ARHGEF9: variants seen among roughly 807,000 people sequenced by gnomAD.
The protein encoded by ARHGEF9 is Cdc42 guanine nucleotide exchange factor 9, also known as rho guanine nucleotide exchange factor 9.
ARHGEF9 carries 2 observed loss-of-function variants against 41.3 expected under a neutral mutation model. The observed-to-expected ratio is 0.05, with a 90% CI of 0.02 to 0.15. The LOEUF (loss-of-function observed/expected upper bound fraction) is 0.15, where lower values mean the gene tolerates loss of function less well. Ranked by LOEUF, ARHGEF9 falls within the 10% of genes least tolerant of loss-of-function variation. The pLI is 1.00. For missense variants in ARHGEF9, 225 were observed against 424.7 expected, an observed-to-expected ratio of 0.53 and a Z score of 4.13; for synonymous variants, 160 against 154.4, an observed-to-expected ratio of 1.04 and a Z score of -0.27.
At chrX:63,686,563 T>A (rs1268449119) in intron 4 of ARHGEF9, among the ~76,000 whole-genome samples, 2 of 111,581 alleles carry the variant, frequency 1.8e-5, no homozygotes, top group Non-Finnish European at 3.8e-5. Context: ...TATGCACAAC[T>A]TAGAAAAGAC....
intron 3 of ARHGEF9, among the ~76,000 whole-genome samples, chrX:63,699,643 G>A (rs2052014963): frequency 9.0e-6 from 1 of 111,700 alleles, no homozygotes; most frequent in African/African-American, 3.3e-5. Context: ...TTATGGCAGG[G>A]GATATATTAG....
intron 1 of ARHGEF9, among the ~76,000 whole-genome samples, chrX:63,729,910 T>C (rs1160210235): frequency 8.9e-6 from 1 of 112,676 alleles, no homozygotes; most frequent in African/African-American, 3.2e-5. Context: ...GGATATTATT[T>C]CTTTGTATCC....
rs536953306 is a variant in ARHGEF9 at position 63,735,983 on chromosome X, T to G, written c.31-11272A>C. On this transcript the variant is annotated intron_variant, in intron 1 of 9. Transcript: ENST00000671741. Reference sequence around the variant, plus strand: ...ATGCCTCTAGTCCATGTCAGAAGCCTTTTATGCTCAGGAATGGACTATGTT... The same window carrying G: ...ATGCCTCTAGTCCATGTCAGAAGCCGTTTATGCTCAGGAATGGACTATGTT... 2.6e-4 allele frequency among the ~76,000 whole-genome samples: 29 copies of G among 112,015 alleles called. No homozygotes were observed. The South Asian group carries it at 8.3e-3, about 32-fold the overall frequency.
In ARHGEF9 at chrX:63,771,980, C is replaced by G. The variant is rs781966568; in HGVS notation, c.30+13136G>C. 4.5e-5 allele frequency among the ~76,000 whole-genome samples: 5 copies of G among 111,981 alleles called. No homozygotes were observed. The East Asian group carries it at 1.4e-3, about 31-fold the overall frequency. ...TTCCCTGGGTCTCCAGCCTGCCTAC[C>G]TACCCTGCAGATTTTGGACTTGCAC... On this transcript the variant is annotated intron_variant, in intron 1 of 9. Transcript: ENST00000671741.
chrX:63,763,281 T>C (rs2056063207), intron 1 of ARHGEF9, among the ~76,000 whole-genome samples: 1 of 111,520 alleles, frequency 9.0e-6, no homozygotes, highest in African/African-American at 3.3e-5. Flanking sequence ...GAAGGATACA[T>C]AGAAAGCCAT....
chrX:63,737,440 C>T (rs1183258629), intron 1 of ARHGEF9, among the ~76,000 whole-genome samples: 1 of 111,149 alleles, frequency 9.0e-6, no homozygotes, highest in Non-Finnish European at 1.9e-5. Flanking sequence ...GTGGGGTGGC[C>T]CCCCAAAAAA....
intron 6 of ARHGEF9, among the ~76,000 whole-genome samples, chrX:63,666,617 T>G (rs1208250964): frequency 1.8e-5 from 2 of 109,261 alleles, no homozygotes; most frequent in Non-Finnish European, 3.8e-5. Context: ...GCCTCCCACA[T>G]GAGTAGAAGG....
rs1248384293 is a variant in ARHGEF9 at position 63,769,030 on chromosome X, G to A, written c.30+16086C>T. On this transcript the variant is annotated intron_variant, in intron 1 of 9. Transcript: ENST00000671741. The stretch of plus-strand genomic sequence containing the variant: ...AATGTGAAAGAAACTTTGGAACTGG[G>A]TAACAGGCAGAGGTTGAAACAGTTT... Among the ~76,000 whole-genome samples the A allele has an allele frequency of 2.7e-5, 3 of 112,125 alleles. No individual in the cohort carries two copies. In the East Asian group the frequency reaches 8.3e-4, roughly 31 times the overall value.
chrX:63,680,245 A>G (rs1194972946), intron 4 of ARHGEF9, among the ~76,000 whole-genome samples: 1 of 112,491 alleles, frequency 8.9e-6, no homozygotes, highest in African/African-American at 3.2e-5. Flanking sequence ...TTAGGGGTCC[A>G]CTTAAGAAGC....
At position 63,678,199 on chromosome X, in the gene ARHGEF9, T is replaced by C. The variant is rs1311027272; in HGVS notation, c.815+141A>G. 5.5e-6 allele frequency: 3 copies of C among 548,416 alleles called. No homozygotes were observed. The African/African-American group carries it at 6.9e-5, about 13-fold the overall frequency. The allele number at this position is 548,416 out of a possible 1,213,427, so 45.2% of individuals were successfully genotyped here. A position where few individuals can be genotyped will look rare whatever the true frequency, so the allele number is the denominator to read the frequency against. On this transcript the variant is annotated intron_variant, in intron 5 of 9. Transcript: ENST00000671741. ...TCTGCCTTCTGTACCCTGTTGGCTA[T>C]GAGGCAATCAAGAATGTATCATCCT...
chrX:63,755,147 T>C (rs1187867291), intron 1 of ARHGEF9: 17 of 937,510 alleles, frequency 1.8e-5, no homozygotes, highest in Non-Finnish European at 1.9e-5. Flanking sequence ...ATAGGCTGCC[T>C]TTTTATTCAC....
intron 7 of ARHGEF9, among the ~76,000 whole-genome samples, chrX:63,658,308 G>A (rs781976108): frequency 8.9e-6 from 1 of 111,987 alleles, no homozygotes; most frequent in Non-Finnish European, 1.9e-5. Flanking sequence ...TAAGCCAAAT[G>A]TAAAGATGTG....
chrX:63,709,146 T>C (rs781791019), intron 2 of ARHGEF9: 6 of 112,153 alleles, frequency 5.3e-5, no homozygotes, highest in African/African-American at 1.9e-4. Context: ...CTTTTCTTCA[T>C]TGATGCTGCA....
chrX:63,666,380 AAGAGAG>A (rs782666128), intron 6 of ARHGEF9, among the ~76,000 whole-genome samples: 2 of 91,487 alleles, frequency 2.2e-5, no homozygotes, highest in Non-Finnish European at 4.4e-5. Flanking sequence ...TGTGTGGAGA[AAGAGAG>A]AGAGAGAGAT....
At chrX:63,729,304 C>T (rs1422779838) in intron 1 of ARHGEF9, among the ~76,000 whole-genome samples, 1 of 110,574 alleles carries the variant, frequency 9.0e-6, no homozygotes, top group Middle Eastern at 4.3e-3. Context: ...AGTGCTAAGG[C>T]CAGAAGCCTT....
intron 8 of ARHGEF9, among the ~76,000 whole-genome samples, chrX:63,646,572 C>T (rs1246966252): frequency 1.8e-5 from 2 of 111,629 alleles, no homozygotes; most frequent in Non-Finnish European, 3.8e-5. Flanking sequence ...GGGCTCTGTT[C>T]TGTTCCATTG....
intron 1 of ARHGEF9, among the ~76,000 whole-genome samples, chrX:63,742,242 G>A (rs2055007940): frequency 8.9e-6 from 1 of 111,762 alleles, no homozygotes; most frequent in South Asian, 3.8e-4. Context: ...CAAATTCTGA[G>A]ACTCTGGGCA....
At chrX:63,776,629 T>C (rs782802015) in intron 1 of ARHGEF9, among the ~76,000 whole-genome samples, 1 of 111,892 alleles carries the variant, frequency 8.9e-6, no homozygotes, top group South Asian at 3.8e-4. Flanking sequence ...GTCATCCAAC[T>C]TGGACATTAT....
intron 8 of ARHGEF9, among the ~76,000 whole-genome samples, chrX:63,647,208 T>TG (rs2048166238): frequency 9.0e-6 from 1 of 111,497 alleles, no homozygotes; most frequent in Admixed American, 9.6e-5. Context: ...TTTTCCTAAT[T>TG]GAATACCCTT....
Sources: allele counts gnomAD v4.1 joint callset (sites outside exome capture counted in the v4.1 genomes callset), GRCh38; gene constraint gnomAD v4.1.1; transcripts MANE v1.5; gene names NCBI Gene and HGNC (gene_info 2026-07-23, HGNC 2026-07-21).